SPG7: variants seen among roughly 807,000 people sequenced by gnomAD.
The protein encoded by SPG7 is mitochondrial inner membrane m-AAA protease component paraplegin.
SPG7 carries 103 observed loss-of-function variants against 81.9 expected under a neutral mutation model. The ratio of observed to expected loss-of-function variants is 1.26; its 90% CI spans 1.07 to 1.48. The LOEUF (loss-of-function observed/expected upper bound fraction) is 1.48, where lower values mean the gene tolerates loss of function less well. Among genes scored for constraint, SPG7 ranks in the 40% most tolerant of loss-of-function variants. The pLI is 0.00. For missense variants in SPG7, 1,241 were observed against 1,087.3 expected (o/e 1.14, Z -1.99); for synonymous variants, 534 against 444.2 (o/e 1.20, Z -2.54).
chr16:89,544,934 C>CT (rs2058544397), intron 10 of SPG7, 162 bp downstream of exon 10: 2 of 817,186 alleles, frequency 2.4e-6, no homozygotes, highest in Admixed American at 2.0e-5. Flanking sequence ...TGCACGCCCC[C>CT]AGCAGACCTG....
intron 2 of SPG7, among the ~76,000 whole-genome samples, chr16:89,510,968 G>A (rs756700186): frequency 1.5e-4 from 23 of 152,154 alleles, no homozygotes; most frequent in Non-Finnish European, 1.8e-4. Context: ...ATAGAGCCAG[G>A]ACTCCAGGCA....
intron 3 of SPG7, 140 bp from the exon 4 acceptor site, chr16:89,523,866 G>A (rs1189922533): frequency 9.3e-7 from 1 of 1,072,686 alleles, no homozygotes; most frequent in African/African-American, 1.6e-5. Context: ...CGTCAGGGAA[G>A]AATTGGAGGA....
rs566028703 is a variant in SPG7, at chr16:89,546,726, C to T, written c.1518C>T (p.Ser506=). Residue 506 remains serine (S), a synonymous_variant, in exon 11 of 17, where the codon TCC becomes TCT. Transcript: ENST00000645818. ...TGACCCAGTCCAGCACCTTTTACTCCCAGCGTCTGGCAGAGCTGACACCAG... is the reference window on the plus strand; with the variant it reads ...TGACCCAGTCCAGCACCTTTTACTCTCAGCGTCTGGCAGAGCTGACACCAG... The part of the protein sequence containing the change: ...LKLTQSSTFY[S]QRLAELTPGF... 9.3e-6 allele frequency: 15 copies of T among 1,613,604 alleles called. No homozygotes were observed. The South Asian group carries it at 1.4e-4, about 15-fold the overall frequency.
intron 9 of SPG7, chr16:89,537,201 G>T: frequency 7.0e-7 from 1 of 1,430,922 alleles, no homozygotes; most frequent in Non-Finnish European, 9.1e-7. Context: ...TGCCGGTCGT[G>T]GGGAAATCTC....
chr16:89,508,753 G>A, intron 1 of SPG7, 153 bp downstream of exon 1: 1 of 888,316 alleles, frequency 1.1e-6, no homozygotes, highest in Non-Finnish European at 1.8e-6. Context: ...CCTCGGCGCG[G>A]AGCGACTGTT....
chr16:89,557,403 A>C lies in SPG7; in HGVS notation c.*310A>C. ...AGTCGTTCCCAGTGTGGCTGAGGCC[A>C]CCCAGAGGCAGCAGAGCATTCAGAC... On this transcript the variant is annotated 3_prime_UTR_variant, in exon 17 of 17. Transcript: ENST00000645818. 1 of 409,094 alleles carries C rather than the reference A, an allele frequency of 2.4e-6. No homozygotes were observed. The highest frequency in any genetic ancestry group is 2.4e-5 in the South Asian group (1 of 41,602). 25.3% of individuals were successfully genotyped at this position (409,094 alleles called of 1,614,324 possible).
At chr16:89,556,226 C>G (rs961712619) in intron 16 of SPG7, 3 of 399,410 alleles carry the variant, frequency 7.5e-6, no homozygotes, top group African/African-American at 6.2e-5. Flanking sequence ...TGCAATACAG[C>G]CACAGGTAAA....
At chr16:89,526,781 G>A (rs996603893) in intron 5 of SPG7, 1 of 369,746 alleles carries the variant, frequency 2.7e-6, no homozygotes, top group African/African-American at 2.1e-5. Flanking sequence ...AGCCCCCGAC[G>A]TAAGATGCCG....
intron 7 of SPG7, 27 bp from the exon 8 acceptor site, chr16:89,531,877 A>G (rs1443432923): frequency 6.2e-7 from 1 of 1,613,384 alleles, no homozygotes; most frequent in South Asian, 1.1e-5. Context: ...CCAAGTAGTT[A>G]GTGTTGCATT....
At chr16:89,537,712 C>G in intron 9 of SPG7, 1 of 985,140 alleles carries the variant, frequency 1.0e-6, no homozygotes, top group Non-Finnish European at 1.2e-6. Flanking sequence ...ATAAAGTCAT[C>G]AGCATGTGAG....
intron 13 of SPG7, chr16:89,551,090 C>T (rs1395828024): frequency 8.7e-6 from 2 of 229,436 alleles, no homozygotes; most frequent in Non-Finnish European, 1.8e-5. Flanking sequence ...AAAAACTACT[C>T]TTGTAGGCAG....
chr16:89,524,569 G>T (rs545490599), intron 4 of SPG7, among the ~76,000 whole-genome samples: 1 of 152,028 alleles, frequency 6.6e-6, no homozygotes, highest in Admixed American at 6.5e-5. Flanking sequence ...TCAGCCTCCC[G>T]GGTAGCTGGG....
At chr16:89,544,490 G>A (rs1412108539) in intron 9 of SPG7, 158 bp from the exon 10 acceptor site, 2 of 784,776 alleles carry the variant, frequency 2.5e-6, no homozygotes, top group East Asian at 5.4e-5. Context: ...GAGCGATGGG[G>A]GATCGCGGCT....
chr16:89,524,664 C>T (rs1023992011), intron 4 of SPG7, among the ~76,000 whole-genome samples: 24 of 152,028 alleles, frequency 1.6e-4, no homozygotes, highest in South Asian at 2.1e-4. Flanking sequence ...AGGCTGGTCT[C>T]GAACTCCTGA....
intron 1 of SPG7, 61 bp downstream of exon 1, chr16:89,508,661 C>T (rs2152392988): frequency 7.1e-7 from 1 of 1,413,668 alleles, no homozygotes; most frequent in Non-Finnish European, 9.2e-7. Flanking sequence ...AAGGCCCAGC[C>T]CGGCGGGGCG....
At chr16:89,550,437 C>T (rs1287864104) in intron 12 of SPG7, 57 bp from the exon 13 acceptor site, 13 of 1,265,440 alleles carry the variant, frequency 1.0e-5, no homozygotes, top group South Asian at 3.6e-5. Flanking sequence ...CCTCCCACAG[C>T]GCTGGGATTA....
intron 1 of SPG7, 25 bp from the exon 2 acceptor site, chr16:89,510,465 A>G (rs1486995748): frequency 7.5e-7 from 1 of 1,333,704 alleles, no homozygotes; most frequent in Admixed American, 1.8e-5. Context: ...TGTGACCTCC[A>G]GTATTGTTTT....
In SPG7 at chr16:89,531,669, T is replaced by G. The variant is rs186569117; in HGVS notation, c.988-235T>G. 616 of 553,232 alleles carry G rather than the reference T, an allele frequency of 1.1e-3. 2 individuals carry two copies. Among genetic ancestry groups the G allele is most frequent in the African/African-American group, 0.011 (576 of 53,020 alleles). The allele number at this position is 553,232 out of a possible 1,614,324, so 34.3% of individuals were successfully genotyped here. A position where few individuals can be genotyped will look rare whatever the true frequency, so the allele number is the denominator to read the frequency against. ...AATTCCAGGTGTGAGCCACCGCACC[T>G]GGCCTGCAAGAAGTTTTTAAAAGTA... On this transcript the variant is annotated intron_variant, in intron 7 of 16. Transcript: ENST00000645818.
At chr16:89,532,887 C>T in intron 9 of SPG7, 1 of 504,772 alleles carries the variant, frequency 2.0e-6, no homozygotes, top group East Asian at 3.6e-5. Flanking sequence ...ATTTCATGAG[C>T]AGCCTGGCCA....
Sources: gnomAD v4.1 joint callset for allele counts (sites outside exome capture counted in the v4.1 genomes callset) on GRCh38, gnomAD v4.1.1 for gene constraint, MANE v1.5 for transcripts, NCBI Gene and HGNC (gene_info 2026-07-23, HGNC 2026-07-21) for gene names.